The following PLAGL2 variants were observed in gnomAD, a reference collection of about 807,000 sequenced individuals.
PLAGL2 encodes the protein zinc finger protein PLAGL2.
A neutral mutation model predicts 29.0 loss-of-function variants in PLAGL2; 7 were observed. That is an observed-to-expected ratio of 0.24 (90% confidence interval 0.14 to 0.45). The LOEUF is 0.45. PLAGL2 is among the 20% of genes least tolerant of loss of function. PLAGL2 has a pLI of 0.99. For synonymous variants in PLAGL2, 234 were observed against 266.0 expected, an observed-to-expected ratio of 0.88 and a Z score of 1.17; for missense variants, 454 against 648.2, an observed-to-expected ratio of 0.70 and a Z score of 3.25.
In PLAGL2 at chr20:32,198,236, T is replaced by C. The variant is rs116883087; in HGVS notation, c.261-554A>G. Among the ~76,000 whole-genome samples, 151 of 152,378 alleles carry C rather than the reference T, an allele frequency of 9.9e-4. 1 individual carries two copies. In the East Asian group the frequency reaches 0.028, roughly 28 times the overall value. ...AGATGGGTGTCATGGAGAATTTTCA[T>C]CGTATAAGTTTTGGTACTTTTTGAA... On this transcript the variant is annotated intron_variant, in intron 2 of 2. Coordinates refer to ENST00000246229, the MANE Select transcript of PLAGL2 (RefSeq NM_002657.3).
intron 1 of PLAGL2, among the ~76,000 whole-genome samples, chr20:32,204,662 T>C (rs2047276841): frequency 6.6e-6 from 1 of 152,200 alleles, no homozygotes; most frequent in Non-Finnish European, 1.5e-5. Context: ...AGGAACCCTT[T>C]TGGGGATCTA....
chr20:32,196,569 T>G lies in PLAGL2; in HGVS notation c.1374A>C (p.Gln458His). ...PLLTTLQAQPQDSPGAGGPLN... is the reference protein window; with the variant it reads ...PLLTTLQAQPHDSPGAGGPLN... The stretch of plus-strand genomic sequence containing the variant: ...GTGGTCCCCCAGCTCCTGGGGAATC[T>G]TGAGGCTGAGCTTGCAAAGTGGTAA... The change falls in exon 3 of 3, where the codon CAA becomes CAC. Residue 458 changes from glutamine to histidine, a missense_variant. By Grantham distance (24) the Gln-to-His change is conservative. Coordinates refer to ENST00000246229, the MANE Select transcript of PLAGL2 (RefSeq NM_002657.3). 1.9e-6 allele frequency: 3 copies of G among 1,544,408 alleles called. No individual in the cohort carries two copies. The highest frequency in any genetic ancestry group is 2.6e-6 in the Non-Finnish European group (3 of 1,150,602).
In PLAGL2 at chr20:32,197,307, C is replaced by T. The variant is rs2047235327; in HGVS notation, c.636G>A (p.Val212=). 1.9e-6 allele frequency: 3 copies of T among 1,607,916 alleles called. No homozygotes were observed. The highest frequency in any genetic ancestry group is 1.7e-5 in the Admixed American group (1 of 59,048). ...TRKDVRRHLV[V]HTGRKDFLCQ... Reference sequence around the variant, plus strand: ...ACAGGAAGTCCTTACGGCCTGTGTGCACCACTAGGTGCCGCCGTACATCCT... The same window carrying T: ...ACAGGAAGTCCTTACGGCCTGTGTGTACCACTAGGTGCCGCCGTACATCCT... Residue 212 remains valine, a synonymous_variant, in exon 3 of 3, where the codon GTG becomes GTA. Transcript: ENST00000246229. The surrounding 1 kb of genome is among the most constrained non-coding windows in gnomAD (Gnocchi z 6.6).
At chr20:32,205,444 T>A (rs1240048361) in intron 1 of PLAGL2, among the ~76,000 whole-genome samples, 1 of 152,082 alleles carries the variant, frequency 6.6e-6, no homozygotes, top group African/African-American at 2.4e-5. Context: ...TTTCCTATAC[T>A]CTCTTGTATT....
intron 2 of PLAGL2, among the ~76,000 whole-genome samples, chr20:32,200,261 G>A (rs1353422700): frequency 6.6e-6 from 1 of 152,014 alleles, no homozygotes; most frequent in African/African-American, 2.4e-5. Context: ...TTTTTGAGAC[G>A]GAGTCTCGCT....
At chr20:32,207,456 G>T (rs1177585943) in intron 1 of PLAGL2, among the ~76,000 whole-genome samples, 185 bp downstream of exon 1, 1 of 152,148 alleles carries the variant, frequency 6.6e-6, no homozygotes, top group East Asian at 1.9e-4. Flanking sequence ...GAGAGTTTTC[G>T]TCACCCCAGG....
chr20:32,201,037 C>A (rs2047256814), intron 2 of PLAGL2, among the ~76,000 whole-genome samples: 1 of 152,162 alleles, frequency 6.6e-6, no homozygotes, highest in Non-Finnish European at 1.5e-5. Flanking sequence ...AAAGCAGCTG[C>A]CCCAGTGGGC....
chr20:32,196,450 G>T lies in PLAGL2; in HGVS notation c.*2C>A, dbSNP rs1357989193. On this transcript the variant is annotated 3_prime_UTR_variant, in exon 3 of 3. Transcript: ENST00000246229. The stretch of plus-strand genomic sequence containing the variant: ...AAACTGAGCTGAGGGCCTCTGTGGG[G>T]GCTACTGGAATGCTTGATGGAAACG... 3 of 1,466,748 alleles carry T rather than the reference G, an allele frequency of 2.0e-6. No individual in the cohort carries two copies. The highest frequency in any genetic ancestry group is 2.7e-6 in the Non-Finnish European group (3 of 1,108,496). The allele number at this position is 1,466,748 out of a possible 1,614,324, so 90.9% of individuals were successfully genotyped here.
At chr20:32,204,128 G>C (rs1338051265) in intron 1 of PLAGL2, among the ~76,000 whole-genome samples, 1 of 152,148 alleles carries the variant, frequency 6.6e-6, no homozygotes, top group Non-Finnish European at 1.5e-5. Context: ...GTGCTCGAGT[G>C]TGCATGTTTA....
Position 32,197,032 on chromosome 20 carries a change from G to A in PLAGL2, c.911C>T (p.Thr304Ile), listed in dbSNP as rs774838219. ...GTGTGGCACGCCCGTGCTGGGCATG[G>A]TAGGGATGTGGGCACCATACATGCC... ...PMGMYGAHIPTMPSTGVPHSL... is the reference protein window; with the variant it reads ...PMGMYGAHIPIMPSTGVPHSL... The change falls in exon 3 of 3, where the codon ACC becomes ATC. Residue 304 changes from threonine to isoleucine, a missense_variant. Thr to Ile is a moderately conservative substitution (Grantham distance 89). This residue lies in a region of PLAGL2 where 247 missense variants were observed against 350.3 expected (regional missense o/e 0.71). Coordinates refer to ENST00000246229, the MANE Select transcript of PLAGL2 (RefSeq NM_002657.3). This position sits in a 1 kb window ranked among gnomAD's most constrained non-coding sequence, Gnocchi z 6.6. The A allele has an allele frequency of 1.2e-6, 2 of 1,614,186 alleles. No homozygotes were observed. The highest frequency in any genetic ancestry group is 1.7e-6 in the Non-Finnish European group (2 of 1,179,990).
chr20:32,198,189 G>A (rs951155145), intron 2 of PLAGL2, among the ~76,000 whole-genome samples: 2 of 152,226 alleles, frequency 1.3e-5, no homozygotes, highest in South Asian at 2.1e-4. Context: ...CTGCCTATGC[G>A]AAAAAGAACC....
At chr20:32,205,347 G>A (rs980368941) in intron 1 of PLAGL2, among the ~76,000 whole-genome samples, 1 of 151,804 alleles carries the variant, frequency 6.6e-6, no homozygotes, top group African/African-American at 2.4e-5. Context: ...ACTAACCCTC[G>A]GCACATCCCC....
rs181587952 is a variant in PLAGL2 at position 32,193,233 on chromosome 20, A to G, written c.*3219T>C. ...TGGAGAGAGGACGGAGAAAACAGCT[A>G]CCAAAAAGGGAGGGGGGAGTTTAAA... On this transcript the variant is annotated 3_prime_UTR_variant, in exon 3 of 3. Coordinates refer to ENST00000246229, the MANE Select transcript of PLAGL2 (RefSeq NM_002657.3). 1.3e-5 allele frequency: 2 copies of G among 152,380 alleles called. No individual in the cohort carries two copies. Among genetic ancestry groups the G allele is most frequent in the Non-Finnish European group, 2.9e-5 (2 of 68,074 alleles). The allele number at this position is 152,380 out of a possible 1,614,324, so 9.4% of individuals were successfully genotyped here.
At position 32,196,461 on chromosome 20, in the gene PLAGL2, T is replaced by C. The variant is rs756895699; in HGVS notation, c.1482A>G (p.Ala494=). The C allele has an allele frequency of 2.0e-6, 3 of 1,476,988 alleles. No individual in the cohort carries two copies. The highest frequency in any genetic ancestry group is 4.7e-5 in the East Asian group (2 of 42,246). The allele number at this position is 1,476,988 out of a possible 1,614,324, so 91.5% of individuals were successfully genotyped here. ...SSTTLPRFHQ[A]FQ ...AGGGCCTCTGTGGGGGCTACTGGAA[T>C]GCTTGATGGAAACGAGGCAGGGTGG... is the stretch of plus-strand genomic sequence containing the variant. Residue 494 remains alanine (A), a synonymous_variant, in exon 3 of 3, where the codon GCA becomes GCG. Transcript: ENST00000246229.
intron 1 of PLAGL2, among the ~76,000 whole-genome samples, chr20:32,206,059 C>T (rs7348695): frequency 6.6e-6 from 1 of 152,166 alleles, no homozygotes; most frequent in Non-Finnish European, 1.5e-5. Flanking sequence ...CAGAACGTTC[C>T]TTGGGATAGA....
chr20:32,195,729 G>C lies in PLAGL2; in HGVS notation c.*723C>G, dbSNP rs542327709. 6.5e-5 allele frequency: 10 copies of C among 152,788 alleles called. No homozygotes were observed. The highest frequency in any genetic ancestry group is 1.9e-4 in the African/African-American group (8 of 41,578). 9.5% of individuals were successfully genotyped at this position (152,788 alleles called of 1,614,324 possible). A position where few individuals can be genotyped will look rare whatever the true frequency, so the allele number is the denominator to read the frequency against. ...GTAAACAGGACTCCAGTTAACACCAGGTACCAAATGGTTCAGGCTGGTGCC... is the reference window on the plus strand; with the variant it reads ...GTAAACAGGACTCCAGTTAACACCACGTACCAAATGGTTCAGGCTGGTGCC... On this transcript the variant is annotated 3_prime_UTR_variant, in exon 3 of 3. Transcript: ENST00000246229.
At position 32,202,011 on chromosome 20, in the gene PLAGL2, C is replaced by A. The variant is rs368862400; in HGVS notation, c.168G>T (p.Arg56Ser). The A allele has an allele frequency of 6.8e-6, 11 of 1,614,152 alleles. No homozygotes were observed. Among genetic ancestry groups the A allele is most frequent in the Non-Finnish European group, 9.3e-6 (11 of 1,179,984 alleles). The change falls in exon 2 of 3, where the codon AGG becomes AGT. Residue 56 changes from arginine (R) to serine (S), a missense_variant. Physicochemically the swap from Arg to Ser is moderately radical, Grantham distance 110 (BLOSUM62 -1). Around this residue, in one of 4 missense-constraint regions of PLAGL2, gnomAD observed 89 missense variants for 90.4 expected, o/e 0.98. Coordinates refer to ENST00000246229, the MANE Select transcript of PLAGL2 (RefSeq NM_002657.3). Reference sequence around the variant, plus strand: ...GCTCTGGTTGCGGGAGGCTGTGAGGCCTCAGCTTCTCCCCATTTGAGAAAG... The same window carrying A: ...GCTCTGGTTGCGGGAGGCTGTGAGGACTCAGCTTCTCCCCATTTGAGAAAG... ...GTPFSNGEKL[R>S]PHSLPQPEQR...
Position 32,197,751 on chromosome 20 carries a change from C to G in PLAGL2, c.261-69G>C. Reference sequence around the variant, plus strand: ...GAGATCACAAGGGATGACTGGACAACCAAAGGTGTCCATTAACAGGAAACT... The same window carrying G: ...GAGATCACAAGGGATGACTGGACAAGCAAAGGTGTCCATTAACAGGAAACT... On this transcript the variant is annotated intron_variant, in intron 2 of 2. Coordinates refer to ENST00000246229, the MANE Select transcript of PLAGL2 (RefSeq NM_002657.3). The surrounding 1 kb of genome is among the most constrained non-coding windows in gnomAD (Gnocchi z 6.6). 1 of 1,297,004 alleles carries G rather than the reference C, an allele frequency of 7.7e-7. No individual in the cohort carries two copies. The highest frequency in any genetic ancestry group is 1.1e-6 in the Non-Finnish European group (1 of 923,994). The allele number at this position is 1,297,004 out of a possible 1,614,324, so 80.3% of individuals were successfully genotyped here. A position where few individuals can be genotyped will look rare whatever the true frequency, so the allele number is the denominator to read the frequency against.
rs2047227992 is a variant in PLAGL2 at position 32,196,389 on chromosome 20, G to C, written c.*63C>G. The C allele has an allele frequency of 2.4e-6, 3 of 1,231,806 alleles. No homozygotes were observed. The allele number at this position is 1,231,806 out of a possible 1,614,324, so 76.3% of individuals were successfully genotyped here. On this transcript the variant is annotated 3_prime_UTR_variant, in exon 3 of 3. Coordinates refer to ENST00000246229, the MANE Select transcript of PLAGL2 (RefSeq NM_002657.3). ...CTCAGCTGCCTTCATGGGGGACACA[G>C]ACGGGGTGGGTACTAAGGCTCCATA...
Sources: allele counts gnomAD v4.1 joint callset (sites outside exome capture counted in the v4.1 genomes callset), GRCh38; gene constraint gnomAD v4.1.1; regional missense constraint gnomAD v4.1.1; non-coding constraint Gnocchi (gnomAD v3.1); transcripts MANE v1.5; gene names NCBI Gene and HGNC (gene_info 2026-07-23, HGNC 2026-07-21).